Variants in PTPRZ1 observed in about 807,000 individuals in gnomAD.
The protein encoded by PTPRZ1 is protein tyrosine phosphatase receptor type Z1, also known as receptor-type tyrosine-protein phosphatase zeta.
Under a neutral mutation model 214.1 loss-of-function variants are expected in PTPRZ1, and 82 were observed. That is an observed-to-expected ratio of 0.38 (90% CI 0.32 to 0.46). PTPRZ1 has a LOEUF of 0.46. Among genes scored for constraint, PTPRZ1 ranks in the 20% least tolerant of loss-of-function variants. PTPRZ1 has a pLI of 1.00. For synonymous variants in PTPRZ1, 945 were observed against 987.9 expected (o/e 0.96, Z 0.81); for missense variants, 2,603 against 2,748.7 (o/e 0.95, Z 1.19).
intron 14 of PTPRZ1, among the ~76,000 whole-genome samples, chr7:122,030,678 A>G (rs1584759598): frequency 1.3e-5 from 2 of 152,006 alleles, no homozygotes; most frequent in Non-Finnish European, 2.9e-5. Context: ...GCTATAAATA[A>G]CTGTTTCTAG....
At chr7:121,993,933 A>T (rs182259443) in intron 8 of PTPRZ1, among the ~76,000 whole-genome samples, 118 of 152,318 alleles carry the variant, frequency 7.7e-4, no homozygotes, top group Admixed American at 2.8e-3. Flanking sequence ...TATATTGTTG[A>T]TTAACAATAA....
chr7:122,004,445 A>G (rs947696072), intron 10 of PTPRZ1, among the ~76,000 whole-genome samples, 169 bp from the exon 11 acceptor site: 1 of 152,130 alleles, frequency 6.6e-6, no homozygotes, highest in Non-Finnish European at 1.5e-5. Context: ...AGTGTTCAGT[A>G]ATGTTGAAAA....
chr7:122,010,994 G>A lies in PTPRZ1; in HGVS notation c.1948G>A (p.Gly650Arg), dbSNP rs781083491. The A allele has an allele frequency of 1.2e-6, 2 of 1,614,118 alleles. No individual in the cohort carries two copies. Among genetic ancestry groups the A allele is most frequent in the South Asian group, 1.1e-5 (1 of 91,070 alleles). ...EESLKDPSMEGNVWFPSSTDI... is the reference protein window; with the variant it reads ...EESLKDPSMERNVWFPSSTDI... ...ATCACTAAAGGATCCTTCTATGGAG[G>A]GAAATGTGTGGTTTCCTAGCTCTAC... The change falls in exon 12 of 30, where the codon GGA (glycine) becomes AGA (arginine). Residue 650 changes from glycine (G) to arginine (R), a missense_variant. By Grantham distance (125) the Gly-to-Arg change is moderately radical. Coordinates refer to ENST00000393386, the MANE Select transcript of PTPRZ1 (RefSeq NM_002851.3).
intron 27 of PTPRZ1, among the ~76,000 whole-genome samples, chr7:122,058,361 C>A (rs780877653): frequency 6.6e-6 from 1 of 151,946 alleles, no homozygotes; most frequent in East Asian, 1.9e-4. Context: ...TCCTTGTCGG[C>A]GTTTTCTCCA....
intron 1 of PTPRZ1, among the ~76,000 whole-genome samples, chr7:121,896,133 C>T (rs1794776532): frequency 6.6e-6 from 1 of 152,184 alleles, no homozygotes; most frequent in Admixed American, 6.5e-5. Context: ...AACACATTAA[C>T]AGCAATGATT....
At position 122,058,851 on chromosome 7, in the gene PTPRZ1, C is replaced by T; in HGVS notation, c.6580C>T (p.Pro2194Ser). 1 of 1,598,702 alleles carries T rather than the reference C, an allele frequency of 6.3e-7. No individual in the cohort carries two copies. Among genetic ancestry groups the T allele is most frequent in the Non-Finnish European group, 8.6e-7 (1 of 1,166,378 alleles). The part of the protein sequence containing the change: ...RHFQCPKWPN[P>S]DSPISKTFEL... ...CTTTCAGTGTCCTAAATGGCCAAAT[C>T]CAGATAGCCCCATTAGTAAAACTTT... The change falls in exon 28 of 30, where the codon CCA becomes TCA. Residue 2194 changes from proline to serine, a missense_variant. Physicochemically the swap from Pro to Ser is moderately conservative, Grantham distance 74. Transcript: ENST00000393386.
At chr7:121,958,727 C>A (rs1349603489) in intron 2 of PTPRZ1, among the ~76,000 whole-genome samples, 2 of 152,186 alleles carry the variant, frequency 1.3e-5, no homozygotes, top group African/African-American at 2.4e-5. Flanking sequence ...ATGTCCCCGT[C>A]GGGATTTTAG....
chr7:122,020,391 A>G (rs1798980167), intron 13 of PTPRZ1, among the ~76,000 whole-genome samples: 1 of 152,242 alleles, frequency 6.6e-6, no homozygotes, highest in African/African-American at 2.4e-5. Context: ...AAGTAGTCAG[A>G]GAACAAAGAA....
chr7:121,969,288 G>A (rs530892395), intron 3 of PTPRZ1, among the ~76,000 whole-genome samples: 7 of 148,972 alleles, frequency 4.7e-5, no homozygotes, highest in African/African-American at 1.7e-4. Context: ...CCTGCTGGGC[G>A]CAGTGGCTCA....
intron 1 of PTPRZ1, among the ~76,000 whole-genome samples, chr7:121,922,355 G>A (rs910548781): frequency 1.3e-5 from 2 of 152,044 alleles, no homozygotes; most frequent in Non-Finnish European, 1.5e-5. Flanking sequence ...TCAGATATTC[G>A]AGACCAGCCT....
chr7:121,914,349 T>C (rs1795358799), intron 1 of PTPRZ1, among the ~76,000 whole-genome samples: 1 of 152,214 alleles, frequency 6.6e-6, no homozygotes, highest in Admixed American at 6.5e-5. Flanking sequence ...TATAAATTTC[T>C]GGTAATAATT....
At chr7:121,932,532 C>A (rs1227382533) in intron 2 of PTPRZ1, among the ~76,000 whole-genome samples, 1 of 152,066 alleles carries the variant, frequency 6.6e-6, no homozygotes, top group Non-Finnish European at 1.5e-5. Context: ...GTTTGTATTC[C>A]TTCCCATATT....
rs1172479821 is a variant in PTPRZ1, at chr7:122,034,315, A to ACAGC, written c.5222_5225dup (p.Asp1743SerfsTer22). The ACAGC allele has an allele frequency of 6.2e-7, 1 of 1,613,426 alleles. No individual in the cohort carries two copies. The highest frequency in any genetic ancestry group is 1.3e-5 in the African/African-American group (1 of 74,906). The stretch of plus-strand genomic sequence containing the variant: ...GAGCTGTACTGTTGACTTAGGTATT[A>ACAGC]CAGCAGACAGCTCCAACCACCCAGA... On this transcript the variant is annotated frameshift_variant, in exon 17 of 30. Transcript: ENST00000393386. LOFTEE classifies it high-confidence loss of function.
chr7:121,993,664 G>A (rs1798042652), intron 8 of PTPRZ1, among the ~76,000 whole-genome samples: 1 of 151,202 alleles, frequency 6.6e-6, no homozygotes, highest in Admixed American at 6.6e-5. Flanking sequence ...GGGAAATTTA[G>A]TGTCTATTAA....
chr7:121,918,054 A>AAC (rs1795478604), intron 1 of PTPRZ1, among the ~76,000 whole-genome samples: 1 of 151,800 alleles, frequency 6.6e-6, no homozygotes, highest in African/African-American at 2.4e-5. Flanking sequence ...CTAAAAAAAA[A>AAC]AAAAAAAGGA....
intron 4 of PTPRZ1, among the ~76,000 whole-genome samples, chr7:121,975,207 T>G (rs937438084): frequency 7.2e-5 from 11 of 152,070 alleles, no homozygotes; most frequent in African/African-American, 2.7e-4. Context: ...AACAAAAGCC[T>G]TATCAGTTTT....
chr7:121,883,783 T>C (rs896991372), intron 1 of PTPRZ1, among the ~76,000 whole-genome samples: 2 of 152,126 alleles, frequency 1.3e-5, no homozygotes, highest in African/African-American at 4.8e-5. Flanking sequence ...TGTGCCACCA[T>C]GCCCAGCTAA....
At chr7:121,898,313 A>G (rs1262139282) in intron 1 of PTPRZ1, among the ~76,000 whole-genome samples, 4 of 152,038 alleles carry the variant, frequency 2.6e-5, no homozygotes, top group Admixed American at 6.5e-5. Context: ...ACAGCCTTCA[A>G]TGGAGAAATT....
Position 121,940,392 on chromosome 7 carries a change from T to C in PTPRZ1, c.124+12171T>C, listed in dbSNP as rs1268132100. Reference sequence around the variant, plus strand: ...CATTGTCACACATAGTTCTGGGGAGTTCATAGTGAGATAAAGACTATGGAC... The same window carrying C: ...CATTGTCACACATAGTTCTGGGGAGCTCATAGTGAGATAAAGACTATGGAC... On this transcript the variant is annotated intron_variant, in intron 2 of 29. Transcript: ENST00000393386. Among the ~76,000 whole-genome samples, 3 of 152,072 alleles carry C rather than the reference T, an allele frequency of 2.0e-5. No individual in the cohort carries two copies. The East Asian group carries it at 5.8e-4, about 29-fold the overall frequency.
Sources: allele counts gnomAD v4.1 joint callset (sites outside exome capture counted in the v4.1 genomes callset), GRCh38; gene constraint gnomAD v4.1.1; transcripts MANE v1.5; gene names NCBI Gene and HGNC (gene_info 2026-07-23, HGNC 2026-07-21).